STAT4: variants seen among roughly 807,000 people sequenced by gnomAD.
STAT4 encodes signal transducer and activator of transcription 4.
A neutral mutation model predicts 110.5 loss-of-function variants in STAT4; 42 were observed. The observed-to-expected ratio is 0.38, with a 90% CI of 0.30 to 0.49. STAT4 has a LOEUF of 0.49. Among genes scored for constraint, STAT4 ranks in the 20% least tolerant of loss-of-function variants. The pLI, the probability that STAT4 is intolerant of heterozygous loss-of-function variation, is 0.95. For synonymous variants in STAT4, 284 were observed against 302.2 expected, an observed-to-expected ratio of 0.94 and a Z score of 0.63; for missense variants, 632 against 887.9, an observed-to-expected ratio of 0.71 and a Z score of 3.66.
rs776471353 is a variant in STAT4, at chr2:191,146,193, C to G, written c.273+420G>C. 3.9e-5 allele frequency among the ~76,000 whole-genome samples: 6 copies of G among 152,098 alleles called. No homozygotes were observed. The highest frequency in any genetic ancestry group is 7.3e-5 in the Non-Finnish European group (5 of 68,028). On this transcript the variant is annotated intron_variant, in intron 3 of 23. Transcript: ENST00000392320. This position sits in a 1 kb window ranked among gnomAD's most constrained non-coding sequence, Gnocchi z 4.5. ...GAACACTTTTAAAGGAGTGTGAGATCTGAACCAAATCTGTAAGAATACATT... is the reference window on the plus strand; with the variant it reads ...GAACACTTTTAAAGGAGTGTGAGATGTGAACCAAATCTGTAAGAATACATT...
chr2:191,102,085 A>G (rs1039201430), intron 3 of STAT4, among the ~76,000 whole-genome samples: 35 of 147,540 alleles, frequency 2.4e-4, no homozygotes, highest in South Asian at 2.1e-4. Flanking sequence ...TGAATTCTGT[A>G]TTAATTTTAA....
At chr2:191,132,140 A>G (rs1559081496) in intron 3 of STAT4, among the ~76,000 whole-genome samples, 1 of 151,786 alleles carries the variant, frequency 6.6e-6, no homozygotes, top group Non-Finnish European at 1.5e-5. Context: ...TTCAGTGGGT[A>G]TGCATCAGTA....
intron 3 of STAT4, among the ~76,000 whole-genome samples, chr2:191,127,316 G>A (rs905612180): frequency 9.9e-5 from 15 of 152,130 alleles, no homozygotes; most frequent in African/African-American, 2.4e-4. Flanking sequence ...AAAGTGCCTC[G>A]CTTGTTTGTG....
chr2:191,074,286 A>G (rs1368050803), intron 4 of STAT4, among the ~76,000 whole-genome samples: 2 of 152,212 alleles, frequency 1.3e-5, no homozygotes, highest in Non-Finnish European at 2.9e-5. Context: ...AGGTTGATAA[A>G]CTAAAATCCG....
At position 191,112,786 on chromosome 2, in the gene STAT4, C is replaced by T. The variant is rs1429053842; in HGVS notation, c.273+33827G>A. ...TGGAAGCAGAACAATGACGCTCTGT[C>T]TTCAAGTCTAGAGCTCTTTGGACAA... is the stretch of plus-strand genomic sequence containing the variant. On this transcript the variant is annotated intron_variant, in intron 3 of 23. Coordinates refer to ENST00000392320, the MANE Select transcript of STAT4 (RefSeq NM_003151.4). This position sits in a 1 kb window ranked among gnomAD's most constrained non-coding sequence, Gnocchi z 4.3. 1.3e-5 allele frequency among the ~76,000 whole-genome samples: 2 copies of T among 152,174 alleles called. No individual in the cohort carries two copies. The highest frequency in any genetic ancestry group is 3.8e-4 in the East Asian group (2 of 5,202).
Position 191,042,174 on chromosome 2 carries a change from T to C in STAT4, c.1252-1026A>G, listed in dbSNP as rs1445147091. Among the ~76,000 whole-genome samples the C allele has an allele frequency of 6.6e-6, 1 of 152,158 alleles. No homozygotes were observed. The highest frequency in any genetic ancestry group is 6.5e-5 in the Admixed American group (1 of 15,276). On this transcript the variant is annotated intron_variant, in intron 14 of 23. Transcript: ENST00000392320. This position sits in a 1 kb window ranked among gnomAD's most constrained non-coding sequence, Gnocchi z 4.2. ...CTAATAATCACCCTAAGTCTACAGT[T>C]CTCAACACGCACATAGAATTTTCAG... is the stretch of plus-strand genomic sequence containing the variant.
intron 7 of STAT4, among the ~76,000 whole-genome samples, chr2:191,065,624 T>G (rs958748591): frequency 1.3e-4 from 20 of 152,174 alleles, no homozygotes; most frequent in African/African-American, 4.6e-4. Flanking sequence ...TAAAAATATA[T>G]AGCATAGATT....
Position 191,082,824 on chromosome 2 carries a change from G to A in STAT4, c.274-6499C>T, listed in dbSNP as rs539654797. ...TCAAAATAATCTTCTTCATACAGGCGACATGGAGCCTGAAACTTCACAATT... is the reference window on the plus strand; with the variant it reads ...TCAAAATAATCTTCTTCATACAGGCAACATGGAGCCTGAAACTTCACAATT... On this transcript the variant is annotated intron_variant, in intron 3 of 23. Coordinates refer to ENST00000392320, the MANE Select transcript of STAT4 (RefSeq NM_003151.4). The surrounding 1 kb of genome is among the most constrained non-coding windows in gnomAD (Gnocchi z 4.7). 9.8e-5 allele frequency among the ~76,000 whole-genome samples: 15 copies of A among 152,286 alleles called. No individual in the cohort carries two copies. The highest frequency in any genetic ancestry group is 1.9e-4 in the East Asian group (1 of 5,182).
chr2:191,127,496 C>A (rs974079664), intron 3 of STAT4, among the ~76,000 whole-genome samples: 6 of 152,218 alleles, frequency 3.9e-5, no homozygotes, highest in Non-Finnish European at 2.9e-5. Flanking sequence ...CACACTACAT[C>A]ATAAATATTC....
chr2:191,078,533 T>C (rs1018564452), intron 3 of STAT4, among the ~76,000 whole-genome samples: 2 of 152,150 alleles, frequency 1.3e-5, no homozygotes, highest in Admixed American at 1.3e-4. Flanking sequence ...TTATGGAAAA[T>C]TGATCATTAT....
chr2:191,031,050 T>C lies in STAT4; in HGVS notation c.2142A>G (p.Pro714=), dbSNP rs1390367677. The change falls in exon 23 of 24, where the codon CCA becomes CCG. Residue 714 remains proline, a synonymous_variant. Transcript: ENST00000392320. The surrounding 1 kb of genome is among the most constrained non-coding windows in gnomAD (Gnocchi z 4.8). The part of the protein sequence containing the change: ...IRSDSTEPHS[P]SDLLPMSPSV... ...TTGGAGACATGGGAAGAAGGTCTGA[T>C]GGAGAATGTGGCTCTGTTGAATCAC... 1 of 1,614,006 alleles carries C rather than the reference T, an allele frequency of 6.2e-7. No individual in the cohort carries two copies. The highest frequency in any genetic ancestry group is 1.7e-5 in the Admixed American group (1 of 60,016).
intron 3 of STAT4, 51 bp from the exon 4 acceptor site, chr2:191,076,376 T>C (rs768731902): frequency 2.0e-5 from 26 of 1,322,588 alleles, no homozygotes; most frequent in Non-Finnish European, 2.8e-5. Context: ...CTTAAATATA[T>C]GTATCATAAG....
chr2:191,031,629 G>T lies in STAT4; in HGVS notation c.2045-113C>A. 1 of 818,528 alleles carries T rather than the reference G, an allele frequency of 1.2e-6. No homozygotes were observed. The allele number at this position is 818,528 out of a possible 1,614,324, so 50.7% of individuals were successfully genotyped here. On this transcript the variant is annotated intron_variant, in intron 21 of 23. Coordinates refer to ENST00000392320, the MANE Select transcript of STAT4 (RefSeq NM_003151.4). The surrounding 1 kb of genome is among the most constrained non-coding windows in gnomAD (Gnocchi z 4.8). ...CAATGATAAGAGGAAGAGAGATAAC[G>T]CAGTTGTTCGGTGATACACAGAAAT...
rs372949647 is a variant in STAT4 at position 191,062,744 on chromosome 2, T to C, written c.941+18A>G. On this transcript the variant is annotated intron_variant, in intron 9 of 23. Transcript: ENST00000392320. This position sits in a 1 kb window ranked among gnomAD's most constrained non-coding sequence, Gnocchi z 4.9. ...TACTTCACAGAATGGAGGATGCCAT[T>C]GATAGCACTTCACTTACTTCTTGAA... 2.5e-6 allele frequency: 4 copies of C among 1,612,834 alleles called. No homozygotes were observed. The highest frequency in any genetic ancestry group is 3.4e-6 in the Non-Finnish European group (4 of 1,179,436).
intron 3 of STAT4, among the ~76,000 whole-genome samples, chr2:191,125,504 T>TTATTATTATTATTATTATTAC (rs370339676): frequency 1.4e-4 from 21 of 149,928 alleles, no homozygotes; most frequent in Admixed American, 1.3e-3. Flanking sequence ...ATTATTATTA[T>TTATTATTATTATTATTATTAC]TGAGACAGGG....
At chr2:191,084,970 T>TA (rs923322112) in intron 3 of STAT4, among the ~76,000 whole-genome samples, 7 of 151,644 alleles carry the variant, frequency 4.6e-5, no homozygotes, top group East Asian at 1.9e-4. Context: ...TATACAAAGG[T>TA]AAAAAAAGTA....
intron 3 of STAT4, among the ~76,000 whole-genome samples, chr2:191,114,893 C>G (rs1698531921): frequency 6.6e-6 from 1 of 152,126 alleles, no homozygotes; most frequent in Non-Finnish European, 1.5e-5. Context: ...CCCTCGCAGG[C>G]AAAATTTCAC....
chr2:191,063,516 G>T lies in STAT4; in HGVS notation c.783-596C>A, dbSNP rs540433010. On this transcript the variant is annotated intron_variant, in intron 8 of 23. Transcript: ENST00000392320. ...ATGTGGTGATCTCACCTCAGAAACG[G>T]AGGTGGCAGTGTGGGCCAGAAGCCT... 3.3e-5 allele frequency among the ~76,000 whole-genome samples: 5 copies of T among 152,252 alleles called. No homozygotes were observed. The South Asian group carries it at 1.0e-3, about 32-fold the overall frequency.
At chr2:191,100,896 A>G (rs1167955317) in intron 3 of STAT4, among the ~76,000 whole-genome samples, 2 of 152,140 alleles carry the variant, frequency 1.3e-5, no homozygotes, top group Non-Finnish European at 2.9e-5. Flanking sequence ...TTTTGTGGTG[A>G]CATGGTTTAC....
Sources: allele counts gnomAD v4.1 joint callset (sites outside exome capture counted in the v4.1 genomes callset), GRCh38; gene constraint gnomAD v4.1.1; non-coding constraint Gnocchi (gnomAD v3.1); transcripts MANE v1.5; gene names NCBI Gene and HGNC (gene_info 2026-07-23, HGNC 2026-07-21).